The following L3MBTL4 variants were observed in gnomAD, a reference collection of about 807,000 sequenced individuals.
The protein encoded by L3MBTL4 is lethal(3)malignant brain tumor-like protein 4.
A neutral mutation model predicts 84.5 loss-of-function variants in L3MBTL4; 70 were observed. That is an observed-to-expected ratio of 0.83 (90% CI 0.68 to 1.01). The LOEUF is 1.01. L3MBTL4 is among the 50% of genes least tolerant of loss of function. L3MBTL4 has a pLI of 0.00. For missense variants in L3MBTL4, 715 were observed against 754.8 expected (o/e 0.95, Z 0.62); for synonymous variants, 274 against 259.8 (o/e 1.05, Z -0.52).
chr18:6,075,058 T>C (rs2057811269), intron 16 of L3MBTL4, among the ~76,000 whole-genome samples: 1 of 152,090 alleles, frequency 6.6e-6, no homozygotes, highest in African/African-American at 2.4e-5. Flanking sequence ...GAATACCTAA[T>C]CAAACAGAAG....
intron 1 of L3MBTL4, among the ~76,000 whole-genome samples, chr18:6,363,928 C>G (rs1043764194): frequency 6.6e-6 from 1 of 152,088 alleles, no homozygotes; most frequent in Non-Finnish European, 1.5e-5. Flanking sequence ...CCCTCGACAT[C>G]TAACAGCTGG....
intron 13 of L3MBTL4, among the ~76,000 whole-genome samples, chr18:6,160,807 A>G (rs2043306500): frequency 6.6e-6 from 1 of 151,960 alleles, no homozygotes; most frequent in African/African-American, 2.4e-5. Context: ...CTAACTCCAG[A>G]GTCTATCATC....
chr18:6,043,240 T>C (rs920708089), intron 16 of L3MBTL4, among the ~76,000 whole-genome samples: 2 of 152,132 alleles, frequency 1.3e-5, no homozygotes, highest in African/African-American at 4.8e-5. Context: ...CACTCCCTGA[T>C]CATTTACTCT....
At chr18:6,268,045 G>A (rs1301728205) in intron 4 of L3MBTL4, among the ~76,000 whole-genome samples, 1 of 152,174 alleles carries the variant, frequency 6.6e-6, no homozygotes, top group Non-Finnish European at 1.5e-5. Context: ...TTCTAAAAAG[G>A]AGGGGAAACT....
chr18:6,318,494 T>TAA lies in L3MBTL4; in HGVS notation c.-90-6440_-90-6439dup, dbSNP rs71370550. 3.0e-3 allele frequency among the ~76,000 whole-genome samples: 42 copies of TAA among 14,196 alleles called. 2 individuals are homozygous for TAA. Among genetic ancestry groups the TAA allele is most frequent in the African/African-American group, 5.2e-3 (22 of 4,230 alleles). The allele number at this position is 14,196 out of a possible 152,430, so 9.3% of individuals were successfully genotyped here. ...AAAACAGACTTTCAAACAACAATAG[T>TAA]AAAAAAAAAAAAAAAAAAAAAAAAA... On this transcript the variant is annotated intron_variant, in intron 1 of 18. Coordinates refer to ENST00000317931, the MANE Select transcript of L3MBTL4 (RefSeq NM_001330559.2).
intron 13 of L3MBTL4, among the ~76,000 whole-genome samples, chr18:6,153,869 C>T (rs1157351285): frequency 6.6e-6 from 1 of 152,180 alleles, no homozygotes; most frequent in East Asian, 1.9e-4. Context: ...CTGAGACCTC[C>T]TCAGCCATGC....
At chr18:6,415,044 C>G (rs1474008946), upstream of L3MBTL4, 1 of 152,160 alleles carries the variant, frequency 6.6e-6, no homozygotes, top group Non-Finnish European at 1.5e-5. Flanking sequence ...TGGCGCTGGG[C>G]CCGCCGAGGT....
chr18:6,098,836 C>G (rs1437003263), intron 14 of L3MBTL4, among the ~76,000 whole-genome samples: 2 of 152,184 alleles, frequency 1.3e-5, no homozygotes, highest in Non-Finnish European at 2.9e-5. Flanking sequence ...AGGTCAGATT[C>G]TAACAGGTAC....
chr18:6,038,178 A>G (rs868466162), intron 16 of L3MBTL4, among the ~76,000 whole-genome samples: 3 of 152,072 alleles, frequency 2.0e-5, no homozygotes, highest in Non-Finnish European at 4.4e-5. Flanking sequence ...AGATAAAATA[A>G]CTTACTTAGA....
At chr18:6,382,407 A>G (rs2054628069) in intron 1 of L3MBTL4, among the ~76,000 whole-genome samples, 1 of 151,970 alleles carries the variant, frequency 6.6e-6, no homozygotes, top group African/African-American at 2.4e-5. Flanking sequence ...TGGGGAAGAG[A>G]TGTTCTAGTT....
intron 16 of L3MBTL4, among the ~76,000 whole-genome samples, chr18:6,046,089 G>A (rs1230467825): frequency 6.6e-6 from 1 of 152,038 alleles, no homozygotes; most frequent in Non-Finnish European, 1.5e-5. Flanking sequence ...AATAGCAGAG[G>A]TTGTTATTCC....
At chr18:6,260,007 G>C (rs2048326026) in intron 5 of L3MBTL4, 1 of 152,236 alleles carries the variant, frequency 6.6e-6, no homozygotes, top group Non-Finnish European at 1.5e-5. Flanking sequence ...TTCTGTATAT[G>C]GCTAGCCAGC....
At position 6,041,462 on chromosome 18, in the gene L3MBTL4, CTT is replaced by C. The variant is rs34117389; in HGVS notation, c.1444+39417_1444+39418del. On this transcript the variant is annotated intron_variant, in intron 16 of 18. Transcript: ENST00000317931. ...TTTCTTCAGCTTAGGCTGAAATTGA[CTT>C]TTTTTTTTTTTTTTTTGTCTTGCAA... 5.4e-4 allele frequency among the ~76,000 whole-genome samples: 67 copies of C among 124,068 alleles called. 1 individual carries two copies. The highest frequency in any genetic ancestry group is 1.9e-3 in the South Asian group (7 of 3,688). 81.4% of individuals were successfully genotyped at this position (124,068 alleles called of 152,430 possible).
intron 16 of L3MBTL4, among the ~76,000 whole-genome samples, chr18:6,000,359 G>A (rs1337530129): frequency 6.6e-6 from 1 of 151,976 alleles, no homozygotes; most frequent in Non-Finnish European, 1.5e-5. Context: ...GTCAATAAAA[G>A]GCAATGCAGA....
intron 1 of L3MBTL4, among the ~76,000 whole-genome samples, chr18:6,372,229 T>C (rs2054186168): frequency 6.6e-6 from 1 of 152,204 alleles, no homozygotes; most frequent in Admixed American, 6.5e-5. Context: ...GATGTGCAAC[T>C]CTGCTATGAT....
intron 14 of L3MBTL4, among the ~76,000 whole-genome samples, chr18:6,133,513 C>A (rs1449831154): frequency 6.6e-6 from 1 of 152,154 alleles, no homozygotes; most frequent in Non-Finnish European, 1.5e-5. Flanking sequence ...CTCTCCCCTT[C>A]CCTCCCTCAT....
chr18:6,377,769 G>A (rs1056001119), intron 1 of L3MBTL4, among the ~76,000 whole-genome samples: 10 of 152,230 alleles, frequency 6.6e-5, no homozygotes, highest in East Asian at 5.8e-4. Flanking sequence ...TGTGAATAGC[G>A]CCACAATAAA....
In L3MBTL4 at chr18:6,226,741, G is replaced by A. The variant is rs115404101; in HGVS notation, c.785-10906C>T. ...AGCAACTGATAAATATTTTTAAGAG[G>A]CATAATTAAAAAGTCAATACTGAAG... is the stretch of plus-strand genomic sequence containing the variant. On this transcript the variant is annotated intron_variant, in intron 10 of 18. Coordinates refer to ENST00000317931, the MANE Select transcript of L3MBTL4 (RefSeq NM_001330559.2). Among the ~76,000 whole-genome samples, 1,015 of 151,992 alleles carry A rather than the reference G, an allele frequency of 6.7e-3. 4 individuals are homozygous for A. The highest frequency in any genetic ancestry group is 0.023 in the African/African-American group (974 of 41,464).
intron 4 of L3MBTL4, among the ~76,000 whole-genome samples, chr18:6,299,060 G>T (rs991893106): frequency 2.0e-5 from 3 of 152,072 alleles, no homozygotes. Flanking sequence ...TATAGGTCTG[G>T]GATTACACGG....
Sources: gnomAD v4.1 joint callset for allele counts (sites outside exome capture counted in the v4.1 genomes callset) on GRCh38, gnomAD v4.1.1 for gene constraint, MANE v1.5 for transcripts, NCBI Gene and HGNC (gene_info 2026-07-23, HGNC 2026-07-21) for gene names.